Variants in NARS2 observed in about 807,000 individuals in gnomAD.
NARS2 encodes asparaginyl-tRNA synthetase.
NARS2 carries 60 observed loss-of-function variants against 62.9 expected under a neutral mutation model. The ratio of observed to expected loss-of-function variants is 0.95; its 90% confidence interval spans 0.77 to 1.18. The LOEUF is 1.18. NARS2 is among the 50% of genes most tolerant of loss of function. The probability of loss-of-function intolerance (pLI) is 0.00; values close to 1 mark genes in which losing one functional copy is unlikely to be tolerated. For synonymous variants in NARS2, 196 were observed against 200.0 expected (o/e 0.98, Z 0.17); for missense variants, 619 against 576.4 (o/e 1.07, Z -0.76).
intron 6 of NARS2, among the ~76,000 whole-genome samples, chr11:78,501,885 C>T (rs904803441): frequency 6.6e-6 from 1 of 152,030 alleles, no homozygotes; most frequent in African/African-American, 2.4e-5. Flanking sequence ...AAACTTTGTA[C>T]ATAAATGTTC....
At chr11:78,553,623 T>G (rs1399126668) in intron 5 of NARS2, among the ~76,000 whole-genome samples, 1 of 152,148 alleles carries the variant, frequency 6.6e-6, no homozygotes, top group Non-Finnish European at 1.5e-5. Context: ...GTTTTTCTCT[T>G]CTAAGTAAGT....
intron 13 of NARS2, among the ~76,000 whole-genome samples, chr11:78,437,844 G>A (rs901682916): frequency 1.3e-5 from 2 of 151,662 alleles, no homozygotes; most frequent in South Asian, 2.1e-4. Flanking sequence ...GCGTAGTGGC[G>A]CCCGTCTGTA....
At chr11:78,570,511 C>A (rs1856887001) in intron 2 of NARS2, among the ~76,000 whole-genome samples, 1 of 152,124 alleles carries the variant, frequency 6.6e-6, no homozygotes, top group South Asian at 2.1e-4. Flanking sequence ...CCTCAACCGC[C>A]CGAGTAGTGG....
intron 4 of NARS2, among the ~76,000 whole-genome samples, chr11:78,564,067 T>A (rs1856659824): frequency 6.6e-6 from 1 of 150,672 alleles, no homozygotes. Context: ...CCCAGCTAAT[T>A]TTTTTGTATT....
At chr11:78,542,272 C>T (rs963899850) in intron 5 of NARS2, among the ~76,000 whole-genome samples, 2 of 152,098 alleles carry the variant, frequency 1.3e-5, no homozygotes, top group African/African-American at 2.4e-5. Context: ...CAAGAAAAGA[C>T]GCGTGGAGTC....
At chr11:78,449,133 G>GTTTTTTTTTT (rs201937471) in intron 11 of NARS2, among the ~76,000 whole-genome samples, 2 of 100,042 alleles carry the variant, frequency 2.0e-5, no homozygotes, top group African/African-American at 4.2e-5. Flanking sequence ...CCTAAAAAAT[G>GTTTTTTTTTT]TTTTTTTTTT....
At chr11:78,466,085 A>G in intron 10 of NARS2, 72 bp from the exon 11 acceptor site, 1 of 1,467,330 alleles carries the variant, frequency 6.8e-7, no homozygotes, top group Non-Finnish European at 9.2e-7. Context: ...GCTGAAAATA[A>G]CCTGCATCAA....
Position 78,478,602 on chromosome 11 carries a change from T to G in NARS2, c.904A>C (p.Ile302Leu). 3 of 1,610,432 alleles carry G rather than the reference T, an allele frequency of 1.9e-6. No individual in the cohort carries two copies. The highest frequency in any genetic ancestry group is 2.5e-6 in the Non-Finnish European group (3 of 1,177,668). The change falls in exon 8 of 14, where the codon ATA (isoleucine) becomes CTA (leucine). Residue 302 changes from isoleucine (I) to leucine (L), a missense_variant. Physicochemically the swap from Ile to Leu is conservative, Grantham distance 5 (BLOSUM62 2). Coordinates refer to ENST00000281038, the MANE Select transcript of NARS2 (RefSeq NM_024678.6). ...CTAATTACCTTTTGGCCAGGTGCTA[T>G]GAATTTGTGACAGAGTTCAACATCT... The part of the protein sequence containing the change: ...PEDVELCHKF[I>L]APGQKDRLEH...
chr11:78,550,231 T>C (rs549933224), intron 5 of NARS2, among the ~76,000 whole-genome samples: 2 of 152,282 alleles, frequency 1.3e-5, no homozygotes, highest in African/African-American at 4.8e-5. Context: ...CCCTCGACCT[T>C]TAATCCTTCC....
chr11:78,552,120 T>C (rs1043575925), intron 5 of NARS2, among the ~76,000 whole-genome samples: 3 of 152,208 alleles, frequency 2.0e-5, no homozygotes, highest in African/African-American at 7.2e-5. Context: ...CCAACAGTTA[T>C]CTTTTCCGCT....
At chr11:78,472,724 G>A (rs753586191) in intron 9 of NARS2, among the ~76,000 whole-genome samples, 12 of 152,020 alleles carry the variant, frequency 7.9e-5, no homozygotes, top group Admixed American at 2.0e-4. Context: ...TTTCTCTTTC[G>A]CCATCTCCCT....
intron 6 of NARS2, among the ~76,000 whole-genome samples, chr11:78,503,066 G>A (rs552607601): frequency 2.0e-5 from 3 of 150,930 alleles, no homozygotes; most frequent in Non-Finnish European, 4.4e-5. Flanking sequence ...TTTCATCCTT[G>A]CTACCCTATA....
rs530243588 is a variant in NARS2, at chr11:78,521,243, C to G, written c.689+7599G>C. On this transcript the variant is annotated intron_variant, in intron 6 of 13. Transcript: ENST00000281038. The stretch of plus-strand genomic sequence containing the variant: ...GTAGTGTTGTGATCACAGCTCACTG[C>G]AGTCTACAACTCCTGGGCTCCAGCA... Among the ~76,000 whole-genome samples, 16 of 151,478 alleles carry G rather than the reference C, an allele frequency of 1.1e-4. No individual in the cohort carries two copies. The East Asian group carries it at 2.9e-3, about 28-fold the overall frequency.
chr11:78,485,645 A>G (rs1300216930), intron 7 of NARS2, among the ~76,000 whole-genome samples: 1 of 152,160 alleles, frequency 6.6e-6, no homozygotes, highest in African/African-American at 2.4e-5. Flanking sequence ...CTAGTCTGGT[A>G]AAGTCCCTGT....
intron 5 of NARS2, among the ~76,000 whole-genome samples, chr11:78,549,335 A>C (rs977266339): frequency 1.3e-5 from 2 of 152,244 alleles, no homozygotes; most frequent in African/African-American, 4.8e-5. Context: ...CCCTTCCGCC[A>C]GCACTGGAGC....
At chr11:78,471,967 A>G (rs548372849) in intron 9 of NARS2, among the ~76,000 whole-genome samples, 48 of 152,264 alleles carry the variant, frequency 3.2e-4, no homozygotes, top group African/African-American at 1.1e-3. Context: ...ATTACTTGGT[A>G]TCATCTACCA....
intron 6 of NARS2, among the ~76,000 whole-genome samples, chr11:78,511,435 A>G (rs184967491): frequency 6.6e-6 from 1 of 152,262 alleles, no homozygotes; most frequent in African/African-American, 2.4e-5. Flanking sequence ...TTGTCAAAAC[A>G]GGCCAGGCGC....
intron 6 of NARS2, among the ~76,000 whole-genome samples, chr11:78,505,466 T>A (rs1172020568): frequency 6.6e-6 from 1 of 151,960 alleles, no homozygotes; most frequent in Non-Finnish European, 1.5e-5. Flanking sequence ...TTTTTTTTTT[T>A]AACTGATTTT....
At chr11:78,462,460 G>C (rs1273755170) in intron 11 of NARS2, among the ~76,000 whole-genome samples, 1 of 152,106 alleles carries the variant, frequency 6.6e-6, no homozygotes, top group Non-Finnish European at 1.5e-5. Flanking sequence ...AAAATAAATG[G>C]CTAAAAAGTA....
Sources: gnomAD v4.1 joint callset for allele counts (sites outside exome capture counted in the v4.1 genomes callset) on GRCh38, gnomAD v4.1.1 for gene constraint, MANE v1.5 for transcripts, NCBI Gene and HGNC (gene_info 2026-07-23, HGNC 2026-07-21) for gene names.